The following NT5C1A variants were observed in gnomAD, a reference collection of about 807,000 sequenced individuals.
NT5C1A encodes the protein cytosolic 5'-nucleotidase 1A.
Under a neutral mutation model 31.0 loss-of-function variants are expected in NT5C1A, and 18 were observed. The ratio of observed to expected loss-of-function variants is 0.58; its 90% CI spans 0.40 to 0.86. The LOEUF (loss-of-function observed/expected upper bound fraction) is 0.86. NT5C1A is among the 40% of genes least tolerant of loss of function. The pLI is 0.00. For missense variants in NT5C1A, 470 were observed against 505.4 expected, an observed-to-expected ratio of 0.93 and a Z score of 0.67; for synonymous variants, 185 against 203.6, an observed-to-expected ratio of 0.91 and a Z score of 0.78.
Position 39,659,088 on chromosome 1 carries a change from G to A in NT5C1A, c.*33C>T, listed in dbSNP as rs770500457. ...GTGTCGAAGTATGTCAGGGAGCCTG[G>A]AGCAATGTGGATCAGTAAAGCCGGT... is the stretch of plus-strand genomic sequence containing the variant. On this transcript the variant is annotated 3_prime_UTR_variant, in exon 6 of 6. Transcript: ENST00000235628. The A allele has an allele frequency of 2.6e-6, 4 of 1,554,116 alleles. No homozygotes were observed. In the South Asian group the frequency reaches 3.7e-5, roughly 14 times the overall value.
At position 39,665,522 on chromosome 1, in the gene NT5C1A, A is replaced by G. The variant is rs781196565; in HGVS notation, c.432T>C (p.Tyr144=). 1.4e-5 allele frequency: 23 copies of G among 1,611,770 alleles called. No individual in the cohort carries two copies. The Middle Eastern group carries it at 5.1e-4, about 36-fold the overall frequency. ...CCCCATCCTCATGCTCATGCTCACC[A>G]TAGTGGTTGATACTGTTGATGAGGC... ...GVRLINSINH[Y]DLFIERFCMT... The change falls in exon 3 of 6, where the codon TAT becomes TAC. Residue 144 remains tyrosine, a splice_region_variant and synonymous_variant. Transcript: ENST00000235628.
Position 39,652,399 on chromosome 1 carries a change from C to T in NT5C1A, c.*6722G>A, listed in dbSNP as rs541806910. ...CTCAGGCCACATTCCCATGTGGCAG[C>T]AACCATGGCAGACCACAGTGTTCTC... On this transcript the variant is annotated 3_prime_UTR_variant, in exon 6 of 6. Transcript: ENST00000235628. Among the ~76,000 whole-genome samples the T allele has an allele frequency of 8.4e-4, 128 of 152,352 alleles. No homozygotes were observed. The highest frequency in any genetic ancestry group is 3.0e-3 in the African/African-American group (125 of 41,580).
At chr1:39,665,863 G>A (rs920765169) in intron 2 of NT5C1A, among the ~76,000 whole-genome samples, 1 of 152,234 alleles carries the variant, frequency 6.6e-6, no homozygotes, top group Admixed American at 6.5e-5. Flanking sequence ...CACTCACCAA[G>A]CTGGTTACCA....
At position 39,652,888 on chromosome 1, in the gene NT5C1A, TGGGC is replaced by T. The variant is rs1183491765; in HGVS notation, c.*6229_*6232del. 6.6e-6 allele frequency among the ~76,000 whole-genome samples: 1 copy of T among 151,922 alleles called. No individual in the cohort carries two copies. Among genetic ancestry groups the T allele is most frequent in the Non-Finnish European group, 1.5e-5 (1 of 68,002 alleles). ...CAGAGGCAGGAATCTTTGCCTAGGT[TGGGC>T]AGGGCTGGTAGTGGGGAGGGAAGGC... On this transcript the variant is annotated 3_prime_UTR_variant, in exon 6 of 6. Coordinates refer to ENST00000235628, the MANE Select transcript of NT5C1A (RefSeq NM_032526.3).
intron 2 of NT5C1A, 73 bp downstream of exon 2, chr1:39,665,996 A>T: frequency 2.1e-6 from 3 of 1,423,534 alleles, no homozygotes; most frequent in Non-Finnish European, 2.9e-6. Context: ...CCTTACTCAA[A>T]TACTCATGGG....
At chr1:39,662,098 C>A (rs1646495409) in intron 4 of NT5C1A, among the ~76,000 whole-genome samples, 1 of 152,216 alleles carries the variant, frequency 6.6e-6, no homozygotes, top group South Asian at 2.1e-4. Flanking sequence ...TGCTGGGAGG[C>A]TGGAGACCTG....
At position 39,657,994 on chromosome 1, in the gene NT5C1A, C is replaced by G. The variant is rs1646471998; in HGVS notation, c.*1127G>C. On this transcript the variant is annotated 3_prime_UTR_variant, in exon 6 of 6. Transcript: ENST00000235628. ...ACAACCGCCTACCTCAGCCACTGCA[C>G]TTTCTTCCCCTAGAATTGAGGCCAC... 6.6e-6 allele frequency among the ~76,000 whole-genome samples: 1 copy of G among 152,236 alleles called. No individual in the cohort carries two copies. The highest frequency in any genetic ancestry group is 2.1e-4 in the South Asian group (1 of 4,830).
Position 39,659,564 on chromosome 1 carries a change from T to C in NT5C1A, c.742-78A>G, listed in dbSNP as rs1362465152. The stretch of plus-strand genomic sequence containing the variant: ...CCCCCTGCTCTCCCTAAAGCACTAG[T>C]GTCTTGTTTGGTGTGGAAAACTTCA... On this transcript the variant is annotated intron_variant, in intron 5 of 5. Coordinates refer to ENST00000235628, the MANE Select transcript of NT5C1A (RefSeq NM_032526.3). 4 of 1,493,186 alleles carry C rather than the reference T, an allele frequency of 2.7e-6. No homozygotes were observed. The African/African-American group carries it at 5.6e-5, about 21-fold the overall frequency. The allele number at this position is 1,493,186 out of a possible 1,614,324, so 92.5% of individuals were successfully genotyped here.
intron 3 of NT5C1A, 115 bp downstream of exon 3, chr1:39,665,406 C>T: frequency 3.1e-6 from 3 of 983,088 alleles, no homozygotes; most frequent in Non-Finnish European, 2.8e-6. Context: ...CCAGCACACA[C>T]TGGACTTGGG....
rs981597597 is a variant in NT5C1A, at chr1:39,654,016, C to T, written c.*5105G>A. ...TGCTGGATAGAGAAAGATTCTGAGA[C>T]CCAGTCTGGGCTTAGTGGAGAAGAG... On this transcript the variant is annotated 3_prime_UTR_variant, in exon 6 of 6. Transcript: ENST00000235628. Among the ~76,000 whole-genome samples the T allele has an allele frequency of 6.6e-6, 1 of 151,880 alleles. No homozygotes were observed. The highest frequency in any genetic ancestry group is 2.4e-5 in the African/African-American group (1 of 41,134).
intron 4 of NT5C1A, among the ~76,000 whole-genome samples, chr1:39,662,034 C>A (rs766785324): frequency 4.6e-5 from 7 of 152,194 alleles, no homozygotes; most frequent in Non-Finnish European, 8.8e-5. Context: ...TCCAAGGATG[C>A]CTCTCAGGGG....
intron 4 of NT5C1A, among the ~76,000 whole-genome samples, chr1:39,662,886 A>G (rs1277315159): frequency 6.6e-6 from 1 of 152,178 alleles, no homozygotes; most frequent in Non-Finnish European, 1.5e-5. Flanking sequence ...GCCATTCCCC[A>G]GACCCCACCA....
At chr1:39,664,395 C>T (rs1281247559) in intron 3 of NT5C1A, among the ~76,000 whole-genome samples, 1 of 146,522 alleles carries the variant, frequency 6.8e-6, no homozygotes, top group African/African-American at 2.6e-5. Context: ...GATCCCCCGC[C>T]TCGGCCTCCC....
intron 1 of NT5C1A, among the ~76,000 whole-genome samples, chr1:39,667,718 G>T (rs947841156): frequency 5.9e-5 from 9 of 152,184 alleles, no homozygotes; most frequent in Non-Finnish European, 4.4e-5. Flanking sequence ...TGGAGCTCAT[G>T]ATCCAACCCC....
At position 39,656,683 on chromosome 1, in the gene NT5C1A, C is replaced by G. The variant is rs562270897; in HGVS notation, c.*2438G>C. Among the ~76,000 whole-genome samples the G allele has an allele frequency of 2.0e-5, 3 of 152,250 alleles. No individual in the cohort carries two copies. Among genetic ancestry groups the G allele is most frequent in the Non-Finnish European group, 2.9e-5 (2 of 68,034 alleles). ...CCTGCAGTTTTTCTTAATTAGGTGA[C>G]ATCTGGTGCCGTCCCCAGTGCACAG... On this transcript the variant is annotated 3_prime_UTR_variant, in exon 6 of 6. Transcript: ENST00000235628.
intron 2 of NT5C1A, 49 bp downstream of exon 2, chr1:39,666,020 A>C: frequency 1.9e-6 from 3 of 1,553,800 alleles, no homozygotes; most frequent in Non-Finnish European, 2.6e-6. Context: ...GCTTTTTTCT[A>C]ATCCCCACGA....
At position 39,666,150 on chromosome 1, in the gene NT5C1A, C is replaced by G. The variant is rs1278425238; in HGVS notation, c.222G>C (p.Gln74His). Residue 74 changes from glutamine to histidine, a missense_variant, in exon 2 of 6, where the codon CAG becomes CAC. By Grantham distance (24) the Gln-to-His change is conservative. Transcript: ENST00000235628. ...GGTAGCGCACGTACTCCTCCACGCC[C>G]TGCTCCGTGTAGATCTGCTGCTCCT... The part of the protein sequence containing the change: ...MDEEQQIYTE[Q>H]GVEEYVRYQL... The G allele has an allele frequency of 9.3e-6, 15 of 1,613,678 alleles. No individual in the cohort carries two copies. The highest frequency in any genetic ancestry group is 2.7e-5 in the African/African-American group (2 of 75,066).
intron 2 of NT5C1A, 98 bp downstream of exon 2, chr1:39,665,971 A>C: frequency 8.7e-7 from 1 of 1,150,304 alleles, no homozygotes; most frequent in Non-Finnish European, 1.2e-6. Context: ...ACATCTGCCC[A>C]GAGGGGCCCT....
intron 3 of NT5C1A, 96 bp downstream of exon 3, chr1:39,665,425 C>G (rs550691571): frequency 3.1e-5 from 39 of 1,243,436 alleles, no homozygotes; most frequent in Non-Finnish European, 2.5e-5. Context: ...GGGTTCTGGT[C>G]AGTACAACTC....
Sources: allele counts gnomAD v4.1 joint callset (sites outside exome capture counted in the v4.1 genomes callset), GRCh38; gene constraint gnomAD v4.1.1; transcripts MANE v1.5; gene names NCBI Gene and HGNC (gene_info 2026-07-23, HGNC 2026-07-21).